The following MEIOC variants were observed in gnomAD, a reference collection of about 807,000 sequenced individuals.
MEIOC encodes the protein meiosis specific with coiled-coil domain.
MEIOC carries 9 observed loss-of-function variants against 85.3 expected under a neutral mutation model. That is an observed-to-expected ratio of 0.11 (90% confidence interval 0.06 to 0.18). The LOEUF (loss-of-function observed/expected upper bound fraction) is 0.18. MEIOC is among the 10% of genes least tolerant of loss of function. The pLI is 1.00. For synonymous variants in MEIOC, 365 were observed against 393.7 expected (o/e 0.93, Z 0.86); for missense variants, 898 against 1,129.4 (o/e 0.80, Z 2.94).
At chr17:44,666,302 T>C in intron 4 of MEIOC, 74 bp from the exon 5 acceptor site, 2 of 1,286,194 alleles carry the variant, frequency 1.6e-6, no homozygotes, top group Non-Finnish European at 2.1e-6. Flanking sequence ...TTTGAAGACC[T>C]TTTCTCCCTT....
intron 6 of MEIOC, 30 bp downstream of exon 6, chr17:44,669,547 G>A: frequency 6.5e-7 from 1 of 1,549,906 alleles, no homozygotes; most frequent in Non-Finnish European, 8.7e-7. Flanking sequence ...AACAGTGGAT[G>A]GATTTTTTGT....
rs1411814200 is a variant in MEIOC, at chr17:44,666,378, C to T, written c.467C>T (p.Thr156Ile). Residue 156 changes from threonine (T) to isoleucine (I), a missense_variant and splice_region_variant, in exon 5 of 8, where the codon ACC becomes ATC. Around this residue, in one of 2 missense-constraint regions of MEIOC, gnomAD observed 734 missense variants for 860.1 expected, o/e 0.85. Transcript: ENST00000409122. ...TTAAATATATTTATTTGTTCTAGGA[C>T]CTGCTCCTCCAATTTAAAGTCAGTT... is the stretch of plus-strand genomic sequence containing the variant. ...DKSQPYFAEG[T>I]CSSNLKSVWP... 3.9e-6 allele frequency: 6 copies of T among 1,545,500 alleles called. No individual in the cohort carries two copies. The African/African-American group carries it at 4.1e-5, about 11-fold the overall frequency.
chr17:44,660,931 T>TA (rs765793524), intron 2 of MEIOC, among the ~76,000 whole-genome samples: 1,560 of 139,686 alleles, frequency 0.011, 18 homozygotes, highest in Middle Eastern at 0.043. Context: ...CATTTCTATT[T>TA]AAAAAAAAAA....
intron 3 of MEIOC, 184 bp from the exon 4 acceptor site, chr17:44,665,200 A>T: frequency 6.1e-6 from 6 of 988,384 alleles, no homozygotes; most frequent in Non-Finnish European, 7.7e-6. Context: ...TATGTGGAAA[A>T]GACATTTCCA....
In MEIOC at chr17:44,656,563, C is replaced by A; in HGVS notation, c.-51C>A. ...CGGGCCTGGACGCCCCCCCCATCAC[C>A]CCCGTACCCCAGGAGCTGTGCCTAG... is the stretch of plus-strand genomic sequence containing the variant. On this transcript the variant is annotated 5_prime_UTR_variant, in exon 1 of 8. Transcript: ENST00000409122. The A allele has an allele frequency of 7.3e-7, 1 of 1,363,576 alleles. No homozygotes were observed. Among genetic ancestry groups the A allele is most frequent in the African/African-American group, 1.5e-5 (1 of 65,360 alleles). The allele number at this position is 1,363,576 out of a possible 1,614,324, so 84.5% of individuals were successfully genotyped here. A position where few individuals can be genotyped will look rare whatever the true frequency, so the allele number is the denominator to read the frequency against.
Position 44,657,149 on chromosome 17 carries a change from G to T in MEIOC, c.92G>T (p.Gly31Val), listed in dbSNP as rs1035361520. Residue 31 changes from glycine to valine, a missense_variant, in exon 2 of 8, where the codon GGT becomes GTT. Transcript: ENST00000409122. Reference protein sequence around the residue: ...GLEPKVAFPGGANRCWNLGAD... With the variant: ...GLEPKVAFPGVANRCWNLGAD... ...CAGCCCAAAGTCGCGTTCCCCGGAG[G>T]TGCGAATCGCTGTTGGAACCTCGGC... is the stretch of plus-strand genomic sequence containing the variant. The T allele has an allele frequency of 2.6e-5, 40 of 1,551,030 alleles. No homozygotes were observed. Among genetic ancestry groups the T allele is most frequent in the Non-Finnish European group, 3.1e-5 (35 of 1,146,934 alleles).
At chr17:44,672,678 A>C (rs1972030132) in intron 6 of MEIOC, among the ~76,000 whole-genome samples, 1 of 152,242 alleles carries the variant, frequency 6.6e-6, no homozygotes, top group Non-Finnish European at 1.5e-5. Flanking sequence ...TTAGAATTTG[A>C]AACAAGTTAG....
chr17:44,671,577 T>C (rs1330395186), intron 6 of MEIOC, among the ~76,000 whole-genome samples: 1 of 150,184 alleles, frequency 6.7e-6, no homozygotes, highest in Non-Finnish European at 1.5e-5. Context: ...ATTTTATCTA[T>C]ACTTAGCAAC....
chr17:44,665,586 A>G (rs765623307), intron 4 of MEIOC, 98 bp downstream of exon 4: 2 of 458,566 alleles, frequency 4.4e-6, no homozygotes, highest in Non-Finnish European at 7.4e-6. Context: ...ATAGTGGATC[A>G]TCTGACAGTA....
At chr17:44,664,493 A>G (rs949264591) in intron 3 of MEIOC, among the ~76,000 whole-genome samples, 3 of 152,224 alleles carry the variant, frequency 2.0e-5, no homozygotes, top group African/African-American at 7.2e-5. Context: ...ATGATGCTCA[A>G]AACAAATGCT....
Position 44,666,448 on chromosome 17 carries a change from A to G in MEIOC, c.537A>G (p.Leu179=), listed in dbSNP as rs1317682742. The G allele has an allele frequency of 6.4e-7, 1 of 1,559,422 alleles. No individual in the cohort carries two copies. Among genetic ancestry groups the G allele is most frequent in the African/African-American group, 1.4e-5 (1 of 73,762 alleles). Residue 179 remains leucine (L), a synonymous_variant, in exon 5 of 8, where the codon TTA becomes TTG. Transcript: ENST00000409122. ...GATTTGCAGATCACCATGACCTCTTAACAGAAACCAAAAGGCCAATAGATA... is the reference window on the plus strand; with the variant it reads ...GATTTGCAGATCACCATGACCTCTTGACAGAAACCAAAAGGCCAATAGATA... ...TSRFADHHDL[L]TETKRPIDTV...
chr17:44,656,527 G>A lies in MEIOC; in HGVS notation c.-87G>A. 1.8e-6 allele frequency: 2 copies of A among 1,115,724 alleles called. No homozygotes were observed. The highest frequency in any genetic ancestry group is 1.2e-6 in the Non-Finnish European group (1 of 843,236). The allele number at this position is 1,115,724 out of a possible 1,614,324, so 69.1% of individuals were successfully genotyped here. ...CGGCTGCGGAGACGGCGGGGTGCGG[G>A]CTGAGGGAGCCGGGCCTGGACGCCC... On this transcript the variant is annotated 5_prime_UTR_variant, in exon 1 of 8. Transcript: ENST00000409122.
chr17:44,670,557 T>C (rs1224797061), intron 6 of MEIOC: 2 of 144,552 alleles, frequency 1.4e-5, no homozygotes, highest in Non-Finnish European at 3.0e-5. Flanking sequence ...TTTTTTTTTT[T>C]TGAGGCGGGT....
Position 44,675,098 on chromosome 17 carries a change from A to T in MEIOC, c.*902A>T. 1.0e-6 allele frequency: 1 copy of T among 984,926 alleles called. No homozygotes were observed. Among genetic ancestry groups the T allele is most frequent in the East Asian group, 1.1e-4 (1 of 8,820 alleles). 61.0% of individuals were successfully genotyped at this position (984,926 alleles called of 1,614,324 possible). On this transcript the variant is annotated 3_prime_UTR_variant, in exon 8 of 8. Coordinates refer to ENST00000409122, the MANE Select transcript of MEIOC (RefSeq NM_001145080.3). ...TGTATTTTTTTAAAGGTTAATCTCT[A>T]ACTAGTTTAGCTTGCAATTGGTTAG...
chr17:44,672,250 T>C (rs1397116369), intron 6 of MEIOC, among the ~76,000 whole-genome samples: 8 of 152,316 alleles, frequency 5.3e-5, no homozygotes, highest in South Asian at 4.1e-4. Flanking sequence ...CCCAAAGTGC[T>C]GGGATTACAG....
Position 44,669,443 on chromosome 17 carries a change from C to G in MEIOC, c.2383C>G (p.Pro795Ala). 1.3e-6 allele frequency: 2 copies of G among 1,567,584 alleles called. No individual in the cohort carries two copies. Among genetic ancestry groups the G allele is most frequent in the Non-Finnish European group, 1.7e-6 (2 of 1,155,148 alleles). ...AAAAGTATCCAGTACTAACAACACTCCAGTTCCAAGGCTGACTTCCAACCC... is the reference window on the plus strand; with the variant it reads ...AAAAGTATCCAGTACTAACAACACTGCAGTTCCAAGGCTGACTTCCAACCC... ...GKKVSSTNNT[P>A]VPRLTSNPSR... The change falls in exon 6 of 8, where the codon CCA becomes GCA. Residue 795 changes from proline to alanine, a missense_variant. By Grantham distance (27) the Pro-to-Ala change is conservative (BLOSUM62 -1). This residue lies in a region of MEIOC where 164 missense variants were observed against 269.2 expected (regional missense o/e 0.61). Transcript: ENST00000409122.
chr17:44,674,153 G>C lies in MEIOC; in HGVS notation c.2816G>C (p.Ser939Thr). The C allele has an allele frequency of 6.4e-7, 1 of 1,551,594 alleles. No homozygotes were observed. The highest frequency in any genetic ancestry group is 2.4e-5 in the East Asian group (1 of 40,910). ...GATAAAGTCCATGAAAGCATAAATAGTAGCAATCCAATGAACCAGAGAGGT... is the reference window on the plus strand; with the variant it reads ...GATAAAGTCCATGAAAGCATAAATACTAGCAATCCAATGAACCAGAGAGGT... ...CEDKVHESIN[S>T]SNPMNQRGET... Residue 939 changes from serine to threonine, a missense_variant, in exon 8 of 8, where the codon AGT becomes ACT. Physicochemically the swap from Ser to Thr is moderately conservative, Grantham distance 58. Transcript: ENST00000409122.
In MEIOC at chr17:44,667,042, G is replaced by A. The variant is rs771266675; in HGVS notation, c.1131G>A (p.Ala377=). The A allele has an allele frequency of 2.4e-5, 38 of 1,613,214 alleles. 1 individual carries two copies. The highest frequency in any genetic ancestry group is 5.5e-5 in the South Asian group (5 of 91,018). ...CAAAGTTATTTCAGGTTAAGCCAGC[G>A]AATCAGAAAAAAATGGAGGAGACAA... ...TYTKLFQVKP[A]NQKKMEETIP... is the part of the protein sequence containing the mutation. Residue 377 remains alanine, a synonymous_variant, in exon 5 of 8, where the codon GCG becomes GCA. Coordinates refer to ENST00000409122, the MANE Select transcript of MEIOC (RefSeq NM_001145080.3).
At position 44,667,178 on chromosome 17, in the gene MEIOC, G is replaced by C; in HGVS notation, c.1267G>C (p.Gly423Arg). The C allele has an allele frequency of 6.2e-7, 1 of 1,613,858 alleles. No individual in the cohort carries two copies. The stretch of plus-strand genomic sequence containing the variant: ...TGATTTTGGCTTAACATCAGAATAT[G>C]GACTAAAACCTCACACAGCTTGTCC... ...TADFGLTSEY[G>R]LKPHTACPAN... Residue 423 changes from glycine to arginine, a missense_variant, in exon 5 of 8, where the codon GGA becomes CGA. Physicochemically the swap from Gly to Arg is moderately radical, Grantham distance 125 (BLOSUM62 -2). This residue lies in a region of MEIOC where 734 missense variants were observed against 860.1 expected (regional missense o/e 0.85). Transcript: ENST00000409122.
Sources: gnomAD v4.1 joint callset for allele counts (sites outside exome capture counted in the v4.1 genomes callset) on GRCh38, gnomAD v4.1.1 for gene constraint, gnomAD v4.1.1 regional missense constraint, MANE v1.5 for transcripts, NCBI Gene and HGNC (gene_info 2026-07-23, HGNC 2026-07-21) for gene names.